SUPT3H: variants seen among roughly 807,000 people sequenced by gnomAD.
The protein encoded by SUPT3H is SPT3 homolog, SAGA and STAGA complex component.
A neutral mutation model predicts 44.3 loss-of-function variants in SUPT3H; 44 were observed. That is an observed-to-expected ratio of 0.99 (90% CI 0.78 to 1.28). SUPT3H has a LOEUF of 1.28. Ranked by LOEUF, SUPT3H falls within the 50% of genes most tolerant of loss-of-function variation. The pLI is 0.00. For synonymous variants in SUPT3H, 124 were observed against 125.6 expected (o/e 0.99, Z 0.09); for missense variants, 380 against 387.1 (o/e 0.98, Z 0.15).
intron 5 of SUPT3H, among the ~76,000 whole-genome samples, chr6:45,010,656 C>T (rs565658916): frequency 6.6e-5 from 10 of 152,206 alleles, no homozygotes; most frequent in South Asian, 2.1e-4. Context: ...CTTGTTGTAT[C>T]CACATATGGT....
chr6:44,888,609 C>T (rs1762738955), intron 10 of SUPT3H, among the ~76,000 whole-genome samples: 1 of 152,106 alleles, frequency 6.6e-6, no homozygotes, highest in Non-Finnish European at 1.5e-5. Flanking sequence ...ATTGATGGGA[C>T]CTATCACAAA....
At chr6:45,321,352 C>A (rs948330062) in intron 2 of SUPT3H, among the ~76,000 whole-genome samples, 3 of 152,102 alleles carry the variant, frequency 2.0e-5, no homozygotes, top group Non-Finnish European at 4.4e-5. Context: ...GTTTACCTTT[C>A]AGAATTCACT....
At chr6:45,328,400 T>C (rs1426653057) in intron 2 of SUPT3H, 1 of 1,413,510 alleles carries the variant, frequency 7.1e-7, no homozygotes, top group Non-Finnish European at 9.5e-7. Context: ...GCAAGAAGTC[T>C]CTGGTTTTTA....
chr6:44,984,964 A>C (rs147714478), intron 6 of SUPT3H, among the ~76,000 whole-genome samples: 13 of 138,394 alleles, frequency 9.4e-5, no homozygotes, highest in Non-Finnish European at 1.8e-4. Flanking sequence ...CAGAGAAAAC[A>C]AGCTTGATGA....
chr6:44,938,895 A>T (rs1351793337), intron 9 of SUPT3H, among the ~76,000 whole-genome samples: 5 of 152,168 alleles, frequency 3.3e-5, no homozygotes, highest in Admixed American at 2.0e-4. Flanking sequence ...GAATAGAAAC[A>T]CTACTGATTT....
chr6:45,246,131 T>A (rs1771299863), intron 2 of SUPT3H, among the ~76,000 whole-genome samples: 1 of 152,114 alleles, frequency 6.6e-6, no homozygotes, highest in African/African-American at 2.4e-5. Context: ...TTGGGAGTTT[T>A]TCTGTTGAGT....
chr6:45,174,310 G>C (rs140181453), intron 2 of SUPT3H, among the ~76,000 whole-genome samples: 2 of 152,312 alleles, frequency 1.3e-5, no homozygotes, highest in Non-Finnish European at 1.5e-5. Context: ...ACACATTCTA[G>C]TGATAAAGCA....
In SUPT3H at chr6:45,237,955, A is replaced by G. The variant is rs945562472; in HGVS notation, c.101+127246T>C. ...TCTTTAATTGTCATAGATTTAAAAGACTGTTTCTTTACTATCCCTTTAGCT... is the reference window on the plus strand; with the variant it reads ...TCTTTAATTGTCATAGATTTAAAAGGCTGTTTCTTTACTATCCCTTTAGCT... On this transcript the variant is annotated intron_variant, in intron 2 of 10. Coordinates refer to ENST00000371459, the MANE Select transcript of SUPT3H (RefSeq NM_003599.4). Among the ~76,000 whole-genome samples the G allele has an allele frequency of 4.6e-5, 7 of 152,168 alleles. No individual in the cohort carries two copies. In the South Asian group the frequency reaches 1.4e-3, roughly 31 times the overall value.
chr6:45,057,951 T>C (rs1490076382), intron 3 of SUPT3H, among the ~76,000 whole-genome samples: 2 of 152,164 alleles, frequency 1.3e-5, no homozygotes, highest in Non-Finnish European at 2.9e-5. Flanking sequence ...AATGTGACGG[T>C]TACTACGTGA....
At chr6:45,232,989 T>C (rs1253325274) in intron 2 of SUPT3H, among the ~76,000 whole-genome samples, 1 of 152,068 alleles carries the variant, frequency 6.6e-6, no homozygotes. Context: ...CAGTGATAAC[T>C]CTTACGGGGG....
intron 2 of SUPT3H, among the ~76,000 whole-genome samples, chr6:45,324,546 A>G (rs745911926): frequency 6.6e-6 from 1 of 151,958 alleles, no homozygotes; most frequent in South Asian, 2.1e-4. Flanking sequence ...AGAGAACCCA[A>G]AAAAGCCTGA....
At chr6:45,002,067 G>GT (rs961331360) in intron 6 of SUPT3H, among the ~76,000 whole-genome samples, 1 of 152,028 alleles carries the variant, frequency 6.6e-6, no homozygotes, top group African/African-American at 2.4e-5. Context: ...GAAGTTGCCA[G>GT]TCTCATGTTT....
At chr6:45,335,138 G>A (rs1788299041) in intron 2 of SUPT3H, among the ~76,000 whole-genome samples, 1 of 151,024 alleles carries the variant, frequency 6.6e-6, no homozygotes, top group Non-Finnish European at 1.5e-5. Flanking sequence ...AACAATTTAA[G>A]CATTGAATTT....
chr6:45,174,576 T>C (rs1442302254), intron 2 of SUPT3H, among the ~76,000 whole-genome samples: 3 of 152,156 alleles, frequency 2.0e-5, no homozygotes, highest in Non-Finnish European at 4.4e-5. Context: ...TGGTGCACAA[T>C]GCTAACTGCT....
At chr6:44,928,754 G>A (rs1388468434) in intron 10 of SUPT3H, among the ~76,000 whole-genome samples, 1 of 150,626 alleles carries the variant, frequency 6.6e-6, no homozygotes, top group Admixed American at 6.6e-5. Context: ...GCAGTGGCGG[G>A]CGCCTGTAGT....
chr6:44,883,886 C>T (rs1197086077), intron 10 of SUPT3H, among the ~76,000 whole-genome samples: 3 of 152,160 alleles, frequency 2.0e-5, no homozygotes, highest in Admixed American at 6.5e-5. Context: ...TGGATTAAAA[C>T]TTAAACATAA....
Position 45,098,567 on chromosome 6 carries a change from A to G in SUPT3H, c.186+7355T>C, listed in dbSNP as rs573143831. The G allele has an allele frequency of 5.2e-5, 16 of 310,584 alleles. No homozygotes were observed. In the East Asian group the frequency reaches 1.3e-3, roughly 25 times the overall value. The allele number at this position is 310,584 out of a possible 1,614,324, so 19.2% of individuals were successfully genotyped here. On this transcript the variant is annotated intron_variant, in intron 3 of 10. Coordinates refer to ENST00000371459, the MANE Select transcript of SUPT3H (RefSeq NM_003599.4). Reference sequence around the variant, plus strand: ...AGAGAGGAGAGGAACATCCATGCAGACATGAGAAGCCTATAGATCCAGATG... The same window carrying G: ...AGAGAGGAGAGGAACATCCATGCAGGCATGAGAAGCCTATAGATCCAGATG...
At chr6:45,320,707 C>A (rs879422040) in intron 2 of SUPT3H, among the ~76,000 whole-genome samples, 1 of 152,100 alleles carries the variant, frequency 6.6e-6, no homozygotes, top group African/African-American at 2.4e-5. Flanking sequence ...CCCACAAAGC[C>A]AAAAATATTT....
chr6:45,176,173 C>G (rs796914096), intron 2 of SUPT3H, among the ~76,000 whole-genome samples: 9 of 151,946 alleles, frequency 5.9e-5, no homozygotes, highest in African/African-American at 2.2e-4. Flanking sequence ...CTGGGTTCAT[C>G]TCACTAGGGA....
Sources: gnomAD v4.1 joint callset for allele counts (sites outside exome capture counted in the v4.1 genomes callset) on GRCh38, gnomAD v4.1.1 for gene constraint, MANE v1.5 for transcripts, NCBI Gene and HGNC (gene_info 2026-07-23, HGNC 2026-07-21) for gene names.